Variants in RBFOX1 observed in about 807,000 individuals in gnomAD.
RBFOX1 encodes the protein RNA binding protein fox-1 homolog 1.
In RBFOX1, 8 loss-of-function variants were observed where a neutral mutation model predicts 57.7. The ratio of observed to expected loss-of-function variants is 0.14; its 90% CI spans 0.08 to 0.25. The LOEUF is 0.25. RBFOX1 is among the 10% of genes least tolerant of loss of function. The probability of loss-of-function intolerance (pLI) is 1.00; values close to 1 mark genes in which losing one functional copy is unlikely to be tolerated. For missense variants in RBFOX1, 611 were observed against 548.5 expected (o/e 1.11, Z -1.14); for synonymous variants, 326 against 222.4 (o/e 1.47, Z -4.15).
At chr16:5,598,937 T>C in exon 3 of RBFOX1, 2 of 1,533,006 alleles carry the variant, frequency 1.3e-6, no homozygotes, top group Non-Finnish European at 1.7e-6. Context: ...TCCTCCCCGG[T>C]GCCAAGAACA....
chr16:7,345,906 C>T (rs1280626750), intron 4 of RBFOX1, among the ~76,000 whole-genome samples: 4 of 151,958 alleles, frequency 2.6e-5, no homozygotes, highest in Non-Finnish European at 5.9e-5. Context: ...TATACATGTG[C>T]CATGTTGGTG....
At chr16:5,372,013 C>T (rs1596709589) in intron 1 of RBFOX1, among the ~76,000 whole-genome samples, 1 of 152,126 alleles carries the variant, frequency 6.6e-6, no homozygotes, top group African/African-American at 2.4e-5. Context: ...GGGGGGAATC[C>T]TCTTTTAAGA....
chr16:5,624,913 A>T (rs888663823), intron 3 of RBFOX1, among the ~76,000 whole-genome samples: 1 of 152,102 alleles, frequency 6.6e-6, no homozygotes, highest in South Asian at 2.1e-4. Context: ...CAATAGGTTT[A>T]TCTGGTGCCA....
At chr16:6,531,983 G>A (rs1044941467) in intron 2 of RBFOX1, among the ~76,000 whole-genome samples, 16 of 152,146 alleles carry the variant, frequency 1.1e-4, no homozygotes, top group African/African-American at 3.6e-4. Context: ...AAGCAGTGTT[G>A]GTAGCATGAC....
chr16:6,756,013 T>A (rs902761145), intron 3 of RBFOX1, among the ~76,000 whole-genome samples: 2 of 152,148 alleles, frequency 1.3e-5, no homozygotes, highest in African/African-American at 4.8e-5. Flanking sequence ...TGCAATCACA[T>A]CAGCCCCGTT....
At chr16:5,970,042 G>T (rs546416183) in intron 4 of RBFOX1, among the ~76,000 whole-genome samples, 1 of 152,076 alleles carries the variant, frequency 6.6e-6, no homozygotes, top group Non-Finnish European at 1.5e-5. Context: ...GCTGTCTTCA[G>T]ATTGGCACTC....
intron 3 of RBFOX1, among the ~76,000 whole-genome samples, chr16:5,856,573 G>GTATATATA (rs1173432604): frequency 3.9e-5 from 1 of 25,552 alleles, no homozygotes; most frequent in Non-Finnish European, 7.8e-5. Context: ...ATGTGTGTGT[G>GTATATATA]TGTATATATA....
At chr16:5,522,208 T>C (rs80126732) in intron 2 of RBFOX1, among the ~76,000 whole-genome samples, 2,070 of 152,362 alleles carry the variant, frequency 0.014, 25 homozygotes, top group Middle Eastern at 0.088. Flanking sequence ...GGTTCAAATC[T>C]GAGCTCTTCT....
At chr16:7,184,729 A>G (rs966395442) in intron 4 of RBFOX1, among the ~76,000 whole-genome samples, 2 of 152,170 alleles carry the variant, frequency 1.3e-5, no homozygotes, top group Non-Finnish European at 2.9e-5. Context: ...ATTTGGGGCA[A>G]TGTGGAGTTA....
chr16:7,515,988 G>A (rs1027189427), intron 4 of RBFOX1, among the ~76,000 whole-genome samples: 3 of 152,088 alleles, frequency 2.0e-5, no homozygotes, highest in South Asian at 2.1e-4. Flanking sequence ...AAGATTACAG[G>A]CATGTGCCAC....
At chr16:6,028,270 T>C (rs1054493104) in intron 1 of RBFOX1, among the ~76,000 whole-genome samples, 1 of 152,126 alleles carries the variant, frequency 6.6e-6, no homozygotes, top group Admixed American at 6.5e-5. Flanking sequence ...GGAGGGAGTG[T>C]GTGCATGCAG....
intron 1 of RBFOX1, among the ~76,000 whole-genome samples, chr16:6,054,917 G>T (rs1437629799): frequency 6.6e-6 from 1 of 151,988 alleles, no homozygotes; most frequent in Non-Finnish European, 1.5e-5. Flanking sequence ...CAAGTAGCTG[G>T]GACTGCAGGT....
chr16:7,488,463 C>A (rs1384384870), intron 4 of RBFOX1, among the ~76,000 whole-genome samples: 2 of 151,882 alleles, frequency 1.3e-5, no homozygotes, highest in Non-Finnish European at 2.9e-5. Flanking sequence ...ATCATTCTAT[C>A]ACTCTGTACA....
chr16:5,918,202 C>G lies in RBFOX1; in HGVS notation c.351+50867C>G, dbSNP rs111431850. ...TGGCACAATCTCAGGTCACTGCAAC[C>G]TCTGCCTCCCAGGTTCAAGTGATTC... On this transcript the variant is annotated intron_variant, in intron 4 of 19. Transcript: ENST00000641259. Among the ~76,000 whole-genome samples, 248 of 152,306 alleles carry G rather than the reference C, an allele frequency of 1.6e-3. 2 individuals carry two copies. The highest frequency in any genetic ancestry group is 5.6e-3 in the African/African-American group (233 of 41,588).
At chr16:7,326,757 C>G (rs1477613062) in intron 4 of RBFOX1, among the ~76,000 whole-genome samples, 2 of 152,026 alleles carry the variant, frequency 1.3e-5, no homozygotes, top group African/African-American at 4.8e-5. Flanking sequence ...CCCCCAGATC[C>G]AAACCCAGCC....
At position 6,560,320 on chromosome 16, in the gene RBFOX1, G is replaced by A. The variant is rs74008212; in HGVS notation, c.-63-94283G>A. Among the ~76,000 whole-genome samples, 1,158 of 129,546 alleles carry A rather than the reference G, an allele frequency of 8.9e-3. 14 individuals carry two copies. The highest frequency in any genetic ancestry group is 0.028 in the African/African-American group (1,079 of 38,904). 85.0% of individuals were successfully genotyped at this position (129,546 alleles called of 152,430 possible). On this transcript the variant is annotated intron_variant, in intron 2 of 15. Transcript: ENST00000550418. ...GAAAAAAGAAAACCAAAACAGAAAA[G>A]GATGAGGAGGGCAGGAGAGTGGGGG...
At chr16:7,357,876 T>A (rs1395092677) in intron 4 of RBFOX1, among the ~76,000 whole-genome samples, 1 of 152,220 alleles carries the variant, frequency 6.6e-6, no homozygotes, top group African/African-American at 2.4e-5. Context: ...ATTTCTTCAG[T>A]CTAGTTTTGG....
chr16:6,240,573 C>G (rs1196377850), intron 1 of RBFOX1, among the ~76,000 whole-genome samples: 2 of 152,000 alleles, frequency 1.3e-5, no homozygotes, highest in East Asian at 1.9e-4. Context: ...TCTGCAAGTA[C>G]AAACCCCTAC....
At chr16:5,980,399 C>A (rs375888282) in intron 4 of RBFOX1, among the ~76,000 whole-genome samples, 4 of 152,188 alleles carry the variant, frequency 2.6e-5, no homozygotes, top group Admixed American at 6.5e-5. Flanking sequence ...GTGCAGATAG[C>A]GTCAGTGGGA....
Sources: allele counts gnomAD v4.1 joint callset (sites outside exome capture counted in the v4.1 genomes callset), GRCh38; gene constraint gnomAD v4.1.1; transcripts MANE v1.5; gene names NCBI Gene and HGNC (gene_info 2026-07-23, HGNC 2026-07-21).